NCALD: variants seen among roughly 807,000 people sequenced by gnomAD.
NCALD encodes neurocalcin delta, also known as neurocalcin-delta.
A neutral mutation model predicts 18.6 loss-of-function variants in NCALD; 10 were observed. The ratio of observed to expected loss-of-function variants is 0.54; its 90% CI spans 0.33 to 0.91. The LOEUF (loss-of-function observed/expected upper bound fraction) is 0.91. NCALD is among the 40% of genes least tolerant of loss of function. The pLI, the probability that NCALD is intolerant of heterozygous loss-of-function variation, is 0.03. For missense variants in NCALD, 184 were observed against 247.6 expected (o/e 0.74, Z 1.72); for synonymous variants, 88 against 87.4 (o/e 1.01, Z -0.04).
intron 1 of NCALD, among the ~76,000 whole-genome samples, chr8:102,077,827 T>A (rs553942237): frequency 1.7e-4 from 26 of 152,170 alleles, no homozygotes; most frequent in Non-Finnish European, 2.9e-4. Flanking sequence ...CTTTGGTGGC[T>A]CTCCTCCTCA....
chr8:101,805,768 G>A (rs1181809532), intron 4 of NCALD, among the ~76,000 whole-genome samples: 1 of 152,150 alleles, frequency 6.6e-6, no homozygotes, highest in Non-Finnish European at 1.5e-5. Flanking sequence ...AACTATAGAA[G>A]AGCAAAAGCT....
chr8:101,818,176 C>G (rs1813575015), intron 4 of NCALD, among the ~76,000 whole-genome samples: 1 of 152,166 alleles, frequency 6.6e-6, no homozygotes. Flanking sequence ...TCCATCCATT[C>G]CATTATCATG....
At chr8:101,710,371 T>A (rs779773143) in intron 2 of NCALD, among the ~76,000 whole-genome samples, 3 of 152,096 alleles carry the variant, frequency 2.0e-5, no homozygotes, top group Non-Finnish European at 4.4e-5. Flanking sequence ...CTGCAGATGT[T>A]TTTTTTTGTA....
chr8:101,693,702 T>A (rs1257049034), intron 2 of NCALD: 1 of 152,140 alleles, frequency 6.6e-6, no homozygotes, highest in Non-Finnish European at 1.5e-5. Flanking sequence ...TGGATGCCTA[T>A]CATGGACCCT....
At chr8:101,722,259 T>C (rs1021364284) in intron 1 of NCALD, among the ~76,000 whole-genome samples, 3 of 152,218 alleles carry the variant, frequency 2.0e-5, no homozygotes, top group African/African-American at 7.2e-5. Context: ...TCCCTCTGTG[T>C]CCTTTTTTTC....
chr8:101,795,739 T>C (rs575990109), upstream of NCALD, among the ~76,000 whole-genome samples: 3 of 152,296 alleles, frequency 2.0e-5, no homozygotes, highest in South Asian at 6.2e-4. Context: ...TATTGGATGA[T>C]TCTTAAGTGG....
Position 102,022,062 on chromosome 8 carries a change from A to T in NCALD, c.-209-1773T>A, listed in dbSNP as rs553923104. Among the ~76,000 whole-genome samples, 8 of 152,270 alleles carry T rather than the reference A, an allele frequency of 5.3e-5. No individual in the cohort carries two copies. The South Asian group carries it at 8.3e-4, about 16-fold the overall frequency. ...TCAAATTGGAGCTTCAGTGCAGGGG[A>T]CTATTTACAGGGCGTGAACAGGGTT... On this transcript the variant is annotated intron_variant, in intron 1 of 6. Transcript: ENST00000311028.
intron 4 of NCALD, among the ~76,000 whole-genome samples, chr8:101,826,245 T>C (rs1464877308): frequency 6.6e-6 from 1 of 151,898 alleles, no homozygotes; most frequent in African/African-American, 2.4e-5. Context: ...TAGGCGGGAG[T>C]GTTTCCATCT....
chr8:102,007,008 T>C (rs1821737704), intron 2 of NCALD, among the ~76,000 whole-genome samples: 1 of 152,178 alleles, frequency 6.6e-6, no homozygotes, highest in Non-Finnish European at 1.5e-5. Flanking sequence ...AGCAATGGTG[T>C]TCACTTCTAG....
chr8:102,101,843 C>T (rs1302074595), intron 1 of NCALD, among the ~76,000 whole-genome samples: 1 of 152,184 alleles, frequency 6.6e-6, no homozygotes, highest in East Asian at 1.9e-4. Flanking sequence ...CTCACTCTTA[C>T]AAATGGGGCT....
intron 4 of NCALD, among the ~76,000 whole-genome samples, chr8:101,799,139 A>T (rs1215551396): frequency 6.6e-6 from 1 of 152,214 alleles, no homozygotes; most frequent in East Asian, 1.9e-4. Flanking sequence ...TAGACAAAAG[A>T]CATGAAGAGA....
intron 4 of NCALD, among the ~76,000 whole-genome samples, chr8:101,857,353 C>A (rs1431313576): frequency 6.6e-6 from 1 of 152,188 alleles, no homozygotes; most frequent in Non-Finnish European, 1.5e-5. Context: ...CTATCCCAAA[C>A]ACAGTCTAAT....
rs772713232 is a variant in NCALD at position 101,689,013 on chromosome 8, C to T, written c.*296G>A. 2.9e-5 allele frequency: 20 copies of T among 694,212 alleles called. No individual in the cohort carries two copies. Among genetic ancestry groups the T allele is most frequent in the South Asian group, 4.5e-5 (3 of 66,028 alleles). 43.0% of individuals were successfully genotyped at this position (694,212 alleles called of 1,614,324 possible). On this transcript the variant is annotated 3_prime_UTR_variant, in exon 4 of 4. Transcript: ENST00000220931. This position sits in a 1 kb window ranked among gnomAD's most constrained non-coding sequence, Gnocchi z 4.4. ...CTTTTGCCCCAACCCCCGAGTCTTA[C>T]GTTTTAGAACAGAGACATTAGAATA...
At chr8:102,045,307 A>C (rs187284724) in intron 1 of NCALD, among the ~76,000 whole-genome samples, 4 of 152,250 alleles carry the variant, frequency 2.6e-5, no homozygotes, top group African/African-American at 9.6e-5. Context: ...CTCAACTTCT[A>C]CCAGCTGTGT....
rs1586765457 is a variant in NCALD at position 101,926,552 on chromosome 8, A to G, written c.-156-10694T>C. On this transcript the variant is annotated intron_variant, in intron 2 of 6. Coordinates refer to the NCALD transcript ENST00000311028. ...ATTAGTGACTATTTCCGTTTTAAAT[A>G]AGTCTAAAAATTTAACCTCTTTAAC... is the stretch of plus-strand genomic sequence containing the variant. Among the ~76,000 whole-genome samples the G allele has an allele frequency of 3.9e-5, 6 of 152,208 alleles. No homozygotes were observed. In the South Asian group the frequency reaches 1.2e-3, roughly 32 times the overall value.
chr8:101,751,554 G>A (rs370879563), intron 1 of NCALD, among the ~76,000 whole-genome samples: 1 of 151,394 alleles, frequency 6.6e-6, no homozygotes. Flanking sequence ...AAGGAGGGAG[G>A]GAAATGAATC....
intron 1 of NCALD, among the ~76,000 whole-genome samples, chr8:101,764,255 C>T (rs1223272986): frequency 2.0e-5 from 3 of 152,068 alleles, no homozygotes; most frequent in Non-Finnish European, 4.4e-5. Flanking sequence ...ACTGAATCCT[C>T]CAACATCTAA....
chr8:102,122,535 T>C (rs1312371620), intron 1 of NCALD, among the ~76,000 whole-genome samples: 1 of 152,134 alleles, frequency 6.6e-6, no homozygotes, highest in Non-Finnish European at 1.5e-5. Context: ...CAGCAGGAAC[T>C]GAGAGAAGAG....
chr8:101,708,702 G>C (rs1004761215), intron 2 of NCALD, among the ~76,000 whole-genome samples: 1 of 152,174 alleles, frequency 6.6e-6, no homozygotes, highest in Non-Finnish European at 1.5e-5. Flanking sequence ...TTGTACAAGG[G>C]CATGTAGGTA....
Sources: allele counts gnomAD v4.1 joint callset (sites outside exome capture counted in the v4.1 genomes callset), GRCh38; gene constraint gnomAD v4.1.1; non-coding constraint Gnocchi (gnomAD v3.1); transcripts MANE v1.5; gene names NCBI Gene and HGNC (gene_info 2026-07-23, HGNC 2026-07-21).